The following IL1RN variants were observed in gnomAD, a reference collection of about 807,000 sequenced individuals.
IL1RN encodes interleukin 1 receptor antagonist, also known as interleukin-1 receptor antagonist protein.
IL1RN carries 10 observed loss-of-function variants against 13.7 expected under a neutral mutation model. The ratio of observed to expected loss-of-function variants is 0.73; its 90% CI spans 0.45 to 1.24. The LOEUF (loss-of-function observed/expected upper bound fraction) is 1.24. Among genes scored for constraint, IL1RN ranks in the 50% most tolerant of loss-of-function variants. The probability of loss-of-function intolerance (pLI) is 0.00; values close to 1 mark genes in which losing one functional copy is unlikely to be tolerated. For missense variants in IL1RN, 213 were observed against 222.1 expected (o/e 0.96, Z 0.26); for synonymous variants, 102 against 82.7 (o/e 1.23, Z -1.27).
intron 1 of IL1RN, among the ~76,000 whole-genome samples, chr2:113,111,593 A>G (rs552922107): frequency 7.9e-5 from 12 of 152,350 alleles, no homozygotes; most frequent in African/African-American, 2.4e-4. Flanking sequence ...CCCGCATCCA[A>G]TGACTGCTCA....
upstream of IL1RN, chr2:113,115,392 T>A (rs1686573026): frequency 6.6e-6 from 1 of 152,110 alleles, no homozygotes; most frequent in South Asian, 2.1e-4. Context: ...TGTGACTGTC[T>A]CAATTCAAGG....
At position 113,132,880 on chromosome 2, in the gene IL1RN, A is replaced by G. The variant is rs1424132123; in HGVS notation, c.*9A>G. 2 of 1,612,822 alleles carry G rather than the reference A, an allele frequency of 1.2e-6. No individual in the cohort carries two copies. Among genetic ancestry groups the G allele is most frequent in the African/African-American group, 2.7e-5 (2 of 74,914 alleles). ...TCCAGGAGGACGAGTAGTACTGCCCAGGCCTGCCTGTTCCCATTCTTGCAT... is the reference window on the plus strand; with the variant it reads ...TCCAGGAGGACGAGTAGTACTGCCCGGGCCTGCCTGTTCCCATTCTTGCAT... On this transcript the variant is annotated 3_prime_UTR_variant, in exon 4 of 4. Transcript: ENST00000409930.
Position 113,132,890 on chromosome 2 carries a change from G to C in IL1RN, c.*19G>C, listed in dbSNP as rs769160944. On this transcript the variant is annotated 3_prime_UTR_variant, in exon 4 of 4. Transcript: ENST00000409930. ...CGAGTAGTACTGCCCAGGCCTGCCT[G>C]TTCCCATTCTTGCATGGCAAGGACT... The C allele has an allele frequency of 9.9e-6, 16 of 1,610,636 alleles. No individual in the cohort carries two copies. In the East Asian group the frequency reaches 3.3e-4, roughly 34 times the overall value.
chr2:113,122,715 C>G (rs2853628), upstream of IL1RN, among the ~76,000 whole-genome samples: 113,488 of 152,112 alleles, frequency 0.75, 42,535 homozygotes, highest in East Asian at 0.92. Flanking sequence ...GCTCATCGGG[C>G]TGGCTTTAAA....
upstream of IL1RN, among the ~76,000 whole-genome samples, chr2:113,110,064 C>T (rs1230068573): frequency 1.3e-5 from 2 of 152,210 alleles, no homozygotes; most frequent in African/African-American, 2.4e-5. Flanking sequence ...CCACAGTCAC[C>T]TTCAAAACGT....
At chr2:113,116,315 A>G (rs1300589871), upstream of IL1RN, among the ~76,000 whole-genome samples, 1 of 152,218 alleles carries the variant, frequency 6.6e-6, no homozygotes, top group Non-Finnish European at 1.5e-5. Context: ...CGAAGTTTCC[A>G]GGTTTACAAA....
chr2:113,119,854 T>A lies in IL1RN; in HGVS notation c.11-212T>A, dbSNP rs867835009. On this transcript the variant is annotated intron_variant, in intron 1 of 5. Transcript: ENST00000259206. ...CATCTAAGGCCAGGAGTATGGGAGG[T>A]ATCAATGTTTGCCCAGCACAGAACA... 2.2e-4 allele frequency among the ~76,000 whole-genome samples: 34 copies of A among 151,800 alleles called. 1 individual carries two copies. Among genetic ancestry groups the A allele is most frequent in the African/African-American group, 8.0e-4 (33 of 41,244 alleles).
intron 1 of IL1RN, among the ~76,000 whole-genome samples, chr2:113,129,031 G>T (rs1343122788): frequency 6.6e-6 from 1 of 152,222 alleles, no homozygotes; most frequent in Non-Finnish European, 1.5e-5. Context: ...CTCAGAGCGA[G>T]TTAGCTGCAA....
chr2:113,131,320 G>T (rs368546436), intron 3 of IL1RN, among the ~76,000 whole-genome samples, 163 bp downstream of exon 3: 1 of 152,208 alleles, frequency 6.6e-6, no homozygotes, highest in Admixed American at 6.5e-5. Context: ...TCAGCAGAGT[G>T]CCTGGCTTGC....
At chr2:113,131,252 A>C (rs1687159860) in intron 3 of IL1RN, 95 bp downstream of exon 3, 1 of 784,480 alleles carries the variant, frequency 1.3e-6, no homozygotes. Context: ...GACCAGGATT[A>C]GCTGGGTAGT....
chr2:113,105,865 G>A (rs1363291781), upstream of IL1RN, among the ~76,000 whole-genome samples: 1 of 152,050 alleles, frequency 6.6e-6, no homozygotes, highest in African/African-American at 2.4e-5. Context: ...ATATTGTAAT[G>A]TTCCCTGAAA....
At chr2:113,103,226 G>A (rs1205515917), upstream of IL1RN, among the ~76,000 whole-genome samples, 1 of 152,166 alleles carries the variant, frequency 6.6e-6, no homozygotes, top group Non-Finnish European at 1.5e-5. Context: ...CACAGGCCTG[G>A]GAGTCTGAAA....
At chr2:113,100,395 C>A in the IL1RN span, among the ~76,000 whole-genome samples, 164 of 151,378 alleles carry the variant, frequency 1.1e-3, 1 homozygote, top group Middle Eastern at 3.5e-3. Flanking sequence ...TTCAGGCCAA[C>A]AGGTACTAGC....
upstream of IL1RN, among the ~76,000 whole-genome samples, chr2:113,114,116 G>A (rs566484687): frequency 2.0e-5 from 3 of 152,356 alleles, no homozygotes; most frequent in South Asian, 2.1e-4. Context: ...GCAGCCAGAC[G>A]TTGTGAGAGG....
chr2:113,132,054 G>A (rs579543), intron 3 of IL1RN, among the ~76,000 whole-genome samples: 33,952 of 152,154 alleles, frequency 0.22, 4,358 homozygotes, highest in Admixed American at 0.3. Context: ...TGATGGTGCC[G>A]TGTATTTACC....
At chr2:113,099,765 C>T in the IL1RN span, among the ~76,000 whole-genome samples, 5 of 86,798 alleles carry the variant, frequency 5.8e-5, no homozygotes, top group Admixed American at 1.6e-4. Context: ...GACGGAGTCT[C>T]GCTCTGTCGC....
chr2:113,131,557 G>A (rs973635), intron 3 of IL1RN, among the ~76,000 whole-genome samples: 37,078 of 151,902 alleles, frequency 0.24, 6,041 homozygotes, highest in East Asian at 0.58. Context: ...AGAGGAGACT[G>A]CATAAGAGTG....
chr2:113,124,223 G>A (rs1686879231), upstream of IL1RN, among the ~76,000 whole-genome samples: 3 of 152,288 alleles, frequency 2.0e-5, no homozygotes, highest in Admixed American at 2.0e-4. Flanking sequence ...TGGTCTTAAA[G>A]CTTCATCCAG....
upstream of IL1RN, among the ~76,000 whole-genome samples, chr2:113,109,881 C>T (rs374017995): frequency 2.6e-5 from 4 of 152,202 alleles, no homozygotes; most frequent in East Asian, 5.8e-4. Context: ...GACCAAGGTG[C>T]TGTCTTCATC....
Sources: allele counts gnomAD v4.1 joint callset (sites outside exome capture counted in the v4.1 genomes callset), GRCh38; gene constraint gnomAD v4.1.1; transcripts MANE v1.5; gene names NCBI Gene and HGNC (gene_info 2026-07-23, HGNC 2026-07-21).